The following CELF6 variants were observed in gnomAD, a reference collection of about 807,000 sequenced individuals.
CELF6 encodes the protein CUGBP Elav-like family member 6.
Under a neutral mutation model 53.1 loss-of-function variants are expected in CELF6, and 32 were observed. That is an observed-to-expected ratio of 0.60 (90% confidence interval 0.46 to 0.81). The LOEUF is 0.81. CELF6 is among the 30% of genes least tolerant of loss of function. The probability of loss-of-function intolerance (pLI) is 0.00; values close to 1 mark genes in which losing one functional copy is unlikely to be tolerated. For synonymous variants in CELF6, 291 were observed against 288.8 expected (o/e 1.01, Z -0.08); for missense variants, 539 against 669.5 (o/e 0.81, Z 2.15).
chr15:72,313,486 T>G (rs949703785), intron 2 of CELF6, among the ~76,000 whole-genome samples: 4 of 152,140 alleles, frequency 2.6e-5, no homozygotes, highest in Admixed American at 2.0e-4. Flanking sequence ...GAGGAGAGAT[T>G]TTTTTCCTCC....
At chr15:72,308,254 G>A (rs1166912179) in intron 2 of CELF6, among the ~76,000 whole-genome samples, 1 of 152,034 alleles carries the variant, frequency 6.6e-6, no homozygotes, top group African/African-American at 2.4e-5. Flanking sequence ...TTGAGTCAGA[G>A]TTTTGCTCTT....
At chr15:72,306,524 T>C (rs1214317651) in intron 2 of CELF6, among the ~76,000 whole-genome samples, 17 of 138,152 alleles carry the variant, frequency 1.2e-4, no homozygotes, top group African/African-American at 4.8e-4. Flanking sequence ...TGGATCAAAT[T>C]TGGGGGTGGG....
chr15:72,315,984 C>T (rs907710181), intron 1 of CELF6, 57 bp from the exon 2 acceptor site: 62 of 1,165,860 alleles, frequency 5.3e-5, no homozygotes, highest in East Asian at 5.1e-5. Flanking sequence ...TATTCTTCTT[C>T]GAAATACCCC....
At position 72,289,732 on chromosome 15, in the gene CELF6, G is replaced by C. The variant is rs1472135825; in HGVS notation, c.642C>G (p.Thr214=). Residue 214 remains threonine (T), a synonymous_variant, in exon 6 of 13, where the codon ACC becomes ACG. Coordinates refer to ENST00000287202, the MANE Select transcript of CELF6 (RefSeq NM_052840.5). The surrounding 1 kb of genome is among the most constrained non-coding windows in gnomAD (Gnocchi z 7.6). ...SSSLVVKLAD[T]DRERALRRMQ... is the part of the protein sequence containing the mutation. ...TCCGCCGCAGCGCGCGCTCCCGGTC[G>C]GTGTCCGCCAGCTTGACCACGAGGC... 3.4e-6 allele frequency: 5 copies of C among 1,471,036 alleles called. No individual in the cohort carries two copies. Among genetic ancestry groups the C allele is most frequent in the Non-Finnish European group, 4.5e-6 (5 of 1,119,550 alleles). The allele number at this position is 1,471,036 out of a possible 1,614,324, so 91.1% of individuals were successfully genotyped here.
intron 3 of CELF6, among the ~76,000 whole-genome samples, chr15:72,299,751 T>C (rs1017295195): frequency 3.9e-5 from 6 of 152,196 alleles, no homozygotes; most frequent in Non-Finnish European, 8.8e-5. Context: ...CCTTTAATAG[T>C]GTACTGCTCA....
chr15:72,287,324 C>A lies in CELF6; in HGVS notation c.1387G>T (p.Gly463Cys). ...AIQAMNGFQI[G>C]MKRLKVQLKR... ...AGCTGGACCTTGAGCCTCTTCATGC[C>A]AATTTGAAAGCCATTCATCGCCTGA... Residue 463 changes from glycine (G) to cysteine (C), a missense_variant, in exon 12 of 13, where the codon GGC becomes TGC. This residue lies in a region of CELF6 where 358 missense variants were observed against 412.8 expected (regional missense o/e 0.87). Coordinates refer to ENST00000287202, the MANE Select transcript of CELF6 (RefSeq NM_052840.5). The A allele has an allele frequency of 6.2e-7, 1 of 1,614,184 alleles. No individual in the cohort carries two copies. Among genetic ancestry groups the A allele is most frequent in the Non-Finnish European group, 8.5e-7 (1 of 1,180,018 alleles).
intron 3 of CELF6, among the ~76,000 whole-genome samples, chr15:72,291,636 C>A (rs2088007560): frequency 6.6e-6 from 1 of 152,112 alleles, no homozygotes; most frequent in South Asian, 2.1e-4. Context: ...ACGAAGTTAG[C>A]AGGGGAGAAA....
At chr15:72,318,817 G>A (rs186981790) in intron 1 of CELF6, among the ~76,000 whole-genome samples, 1 of 152,300 alleles carries the variant, frequency 6.6e-6, no homozygotes, top group Admixed American at 6.5e-5. Context: ...CAGGAGTGAG[G>A]GGATTAGAGA....
At chr15:72,299,106 G>A (rs1490715154) in intron 3 of CELF6, among the ~76,000 whole-genome samples, 1 of 151,654 alleles carries the variant, frequency 6.6e-6, no homozygotes, top group African/African-American at 2.4e-5. Flanking sequence ...TACTCGGGAG[G>A]GTGAGGCAGG....
At chr15:72,314,697 T>A (rs934164235) in intron 2 of CELF6, among the ~76,000 whole-genome samples, 1 of 149,678 alleles carries the variant, frequency 6.7e-6, no homozygotes, top group African/African-American at 2.5e-5. Context: ...CAGGTTCAAG[T>A]GATTCTCTTG....
In CELF6 at chr15:72,290,011, G is replaced by A; in HGVS notation, c.531C>T (p.Ala177=). 3 of 1,608,372 alleles carry A rather than the reference G, an allele frequency of 1.9e-6. No homozygotes were observed. Among genetic ancestry groups the A allele is most frequent in the Non-Finnish European group, 2.5e-6 (3 of 1,177,624 alleles). Residue 177 remains alanine, a synonymous_variant, in exon 5 of 13, where the codon GCC becomes GCT. Coordinates refer to ENST00000287202, the MANE Select transcript of CELF6 (RefSeq NM_052840.5). ...RSPDGTSKGC[A]FVKFGSQGEA... ...CCCCTTGACTCCCGAACTTCACAAA[G>A]GCACAGCCTGGGGCAGGACAGAGGG...
At chr15:72,306,147 C>G (rs2088227403) in intron 2 of CELF6, 3 of 981,816 alleles carry the variant, frequency 3.1e-6, no homozygotes, top group African/African-American at 1.7e-5. Context: ...TCACCTTCCT[C>G]TCATGGGTGT....
At position 72,319,449 on chromosome 15, in the gene CELF6, A is replaced by G. The variant is rs2088400002; in HGVS notation, c.262+164T>C. 1.3e-5 allele frequency among the ~76,000 whole-genome samples: 2 copies of G among 151,992 alleles called. No individual in the cohort carries two copies. Among genetic ancestry groups the G allele is most frequent in the Non-Finnish European group, 2.9e-5 (2 of 67,998 alleles). On this transcript the variant is annotated intron_variant, in intron 1 of 12. Coordinates refer to ENST00000287202, the MANE Select transcript of CELF6 (RefSeq NM_052840.5). The surrounding 1 kb of genome is among the most constrained non-coding windows in gnomAD (Gnocchi z 5.0). ...CAGTGATAATCAGAGGGAGGATGTC[A>G]GAGAGAAAATTCTGTGATCTGGGAA...
chr15:72,285,988 T>C lies in CELF6; in HGVS notation c.*383A>G, dbSNP rs1046168387. ...GTTTGTTTCTTTGTTTTAATTTATA[T>C]AGATATATATATTCTTAAAAAAGCA... On this transcript the variant is annotated 3_prime_UTR_variant, in exon 13 of 13. Transcript: ENST00000287202. 3.9e-5 allele frequency: 6 copies of C among 152,614 alleles called. No individual in the cohort carries two copies. Among genetic ancestry groups the C allele is most frequent in the African/African-American group, 1.4e-4 (6 of 41,446 alleles). The allele number at this position is 152,614 out of a possible 1,614,324, so 9.5% of individuals were successfully genotyped here. A position where few individuals can be genotyped will look rare whatever the true frequency, so the allele number is the denominator to read the frequency against.
intron 3 of CELF6, among the ~76,000 whole-genome samples, chr15:72,299,228 T>C (rs2088118963): frequency 6.6e-6 from 1 of 151,556 alleles, no homozygotes; most frequent in South Asian, 2.1e-4. Context: ...AGAGCGAGAC[T>C]CCATTTCAAA....
At chr15:72,300,598 C>T (rs1175214881) in intron 3 of CELF6, among the ~76,000 whole-genome samples, 1 of 152,132 alleles carries the variant, frequency 6.6e-6, no homozygotes, top group East Asian at 1.9e-4. Context: ...CTTTGGGAGG[C>T]CGAGGCAGAC....
In CELF6 at chr15:72,312,444, T is replaced by C. The variant is rs572441158; in HGVS notation, c.345+3401A>G. Among the ~76,000 whole-genome samples the C allele has an allele frequency of 1.8e-3, 277 of 152,230 alleles. 4 individuals are homozygous for C. The South Asian group carries it at 0.019, about 11-fold the overall frequency. On this transcript the variant is annotated intron_variant, in intron 2 of 12. Transcript: ENST00000287202. Reference sequence around the variant, plus strand: ...GAGTTCAAAACCAGCCTGACCAACATGGTGAAACCCTGTCTCTACTAAAAA... The same window carrying C: ...GAGTTCAAAACCAGCCTGACCAACACGGTGAAACCCTGTCTCTACTAAAAA...
chr15:72,309,159 G>A (rs2088266921), intron 2 of CELF6, among the ~76,000 whole-genome samples: 2 of 152,122 alleles, frequency 1.3e-5, no homozygotes, highest in South Asian at 4.1e-4. Flanking sequence ...GCGATCCTTG[G>A]ACTTCATCCT....
chr15:72,315,887 G>A lies in CELF6; in HGVS notation c.303C>T (p.Leu101=). 6.2e-7 allele frequency: 1 copy of A among 1,608,452 alleles called. No homozygotes were observed. Among genetic ancestry groups the A allele is most frequent in the Non-Finnish European group, 8.5e-7 (1 of 1,177,730 alleles). The change falls in exon 2 of 13, where the codon CTC becomes CTT. Residue 101 remains leucine (L), a synonymous_variant. Transcript: ENST00000287202. Reference sequence around the variant, plus strand: ...GCTCGTGCAGTGCACTCTGGGCCTTGAGAGCAGAGTCCCGGGCGCAGTAGG... The same window carrying A: ...GCTCGTGCAGTGCACTCTGGGCCTTAAGAGCAGAGTCCCGGGCGCAGTAGG... The part of the protein sequence containing the change: ...FLTYCARDSA[L]KAQSALHEQK...
Sources: gnomAD v4.1 joint callset for allele counts (sites outside exome capture counted in the v4.1 genomes callset) on GRCh38, gnomAD v4.1.1 for gene constraint, gnomAD v4.1.1 regional missense constraint, Gnocchi (gnomAD v3.1) non-coding constraint, MANE v1.5 for transcripts, NCBI Gene and HGNC (gene_info 2026-07-23, HGNC 2026-07-21) for gene names.